Variants in STK31 observed in about 807,000 individuals in gnomAD.
The protein encoded by STK31 is serine/threonine kinase 31, also known as serine/threonine-protein kinase 31.
STK31 carries 89 observed loss-of-function variants against 129.7 expected under a neutral mutation model. That is an observed-to-expected ratio of 0.69 (90% CI 0.58 to 0.82). The LOEUF is 0.82. STK31 is among the 40% of genes least tolerant of loss of function. The probability of loss-of-function intolerance (pLI) is 0.00; values close to 1 mark genes in which losing one functional copy is unlikely to be tolerated. For missense variants in STK31, 1,187 were observed against 1,176.4 expected (o/e 1.01, Z -0.13); for synonymous variants, 448 against 395.3 (o/e 1.13, Z -1.58).
chr7:23,747,398 C>G (rs1276648307), intron 8 of STK31, among the ~76,000 whole-genome samples: 1 of 151,960 alleles, frequency 6.6e-6, no homozygotes, highest in Non-Finnish European at 1.5e-5. Context: ...GAGACGGAGT[C>G]TCACTCTGTT....
chr7:23,733,171 G>A (rs1787528490), intron 6 of STK31, among the ~76,000 whole-genome samples: 1 of 151,924 alleles, frequency 6.6e-6, no homozygotes, highest in South Asian at 2.1e-4. Flanking sequence ...TTAACCTAAA[G>A]TATTATAGGA....
At position 23,786,935 on chromosome 7, in the gene STK31, A is replaced by G. The variant is rs780670965; in HGVS notation, c.2487+11A>G. On this transcript the variant is annotated intron_variant, in intron 20 of 23. Transcript: ENST00000355870. Reference sequence around the variant, plus strand: ...CCTTTAAATTCAGAAGTAAGTAAAAAGCACTATTTATTTCCATGGATGTAT... The same window carrying G: ...CCTTTAAATTCAGAAGTAAGTAAAAGGCACTATTTATTTCCATGGATGTAT... 2.5e-6 allele frequency: 4 copies of G among 1,609,876 alleles called. No individual in the cohort carries two copies. Among genetic ancestry groups the G allele is most frequent in the Non-Finnish European group, 3.4e-6 (4 of 1,176,688 alleles).
intron 23 of STK31, among the ~76,000 whole-genome samples, chr7:23,823,947 A>C (rs896645737): frequency 3.3e-5 from 5 of 151,986 alleles, no homozygotes; most frequent in Non-Finnish European, 4.4e-5. Flanking sequence ...GTTCTGTTCC[A>C]TTGGTCTATG....
At chr7:23,712,424 G>A in intron 3 of STK31, 138 bp downstream of exon 3, 1 of 830,850 alleles carries the variant, frequency 1.2e-6, no homozygotes, top group South Asian at 1.7e-5. Context: ...TTATCACCAG[G>A]CATTATTAGG....
intron 22 of STK31, chr7:23,811,301 T>C: frequency 2.4e-6 from 1 of 416,268 alleles, no homozygotes; most frequent in Non-Finnish European, 4.7e-6. Context: ...CTTGATTTGT[T>C]CTGCAGCTTC....
At chr7:23,800,222 C>T (rs1245038333) in intron 22 of STK31, among the ~76,000 whole-genome samples, 3 of 152,264 alleles carry the variant, frequency 2.0e-5, no homozygotes, top group South Asian at 4.2e-4. Context: ...ACCCAGCAAT[C>T]GCATTACTGG....
chr7:23,829,918 A>T (rs1215857770), intron 23 of STK31, among the ~76,000 whole-genome samples: 1 of 152,056 alleles, frequency 6.6e-6, no homozygotes, highest in Non-Finnish European at 1.5e-5. Context: ...GTTCATGTAT[A>T]GTTATTCATA....
intron 20 of STK31, 39 bp downstream of exon 20, chr7:23,786,963 A>G: frequency 6.4e-7 from 1 of 1,572,444 alleles, no homozygotes; most frequent in Non-Finnish European, 8.7e-7. Flanking sequence ...GGATGTATTA[A>G]ATGAGAAAAT....
At chr7:23,715,008 G>A (rs1387749495) in intron 3 of STK31, among the ~76,000 whole-genome samples, 3 of 152,130 alleles carry the variant, frequency 2.0e-5, no homozygotes, top group East Asian at 3.8e-4. Flanking sequence ...GTAGAAGAAC[G>A]TTTAAAACAG....
chr7:23,802,177 A>T (rs1338864228), intron 22 of STK31, among the ~76,000 whole-genome samples: 1 of 152,234 alleles, frequency 6.6e-6, no homozygotes, highest in Middle Eastern at 3.4e-3. Flanking sequence ...GAGTTTACAA[A>T]ATGAGGGGTT....
intron 10 of STK31, among the ~76,000 whole-genome samples, chr7:23,756,012 G>A (rs1381916812): frequency 3.3e-5 from 5 of 152,130 alleles, no homozygotes; most frequent in African/African-American, 7.2e-5. Flanking sequence ...ATTTAAAATA[G>A]TTTTTTCTAA....
chr7:23,775,915 CA>C (rs1329127207), intron 15 of STK31, among the ~76,000 whole-genome samples: 1 of 152,092 alleles, frequency 6.6e-6, no homozygotes, highest in African/African-American at 2.4e-5. Context: ...TGACAGTTGT[CA>C]AAGGGATGCT....
chr7:23,756,108 T>C (rs182655975), intron 10 of STK31, among the ~76,000 whole-genome samples: 89 of 152,364 alleles, frequency 5.8e-4, no homozygotes, highest in Admixed American at 2.9e-3. Context: ...TTTCATGATA[T>C]TGAGTCTTCC....
intron 23 of STK31, among the ~76,000 whole-genome samples, chr7:23,826,492 C>T (rs537702715): frequency 6.6e-6 from 1 of 152,116 alleles, no homozygotes; most frequent in Non-Finnish European, 1.5e-5. Context: ...CTATGTGTGT[C>T]TCTGCACGTG....
rs563453654 is a variant in STK31 at position 23,826,308 on chromosome 7, A to T, written c.2830-5828A>T. ...TGTATTGGGTGCATATATATTTAGG[A>T]TAGTTAGTTCTTCTTGTTGAATTGA... is the stretch of plus-strand genomic sequence containing the variant. On this transcript the variant is annotated intron_variant, in intron 23 of 23. Coordinates refer to ENST00000355870, the MANE Select transcript of STK31 (RefSeq NM_031414.5). 1.1e-4 allele frequency among the ~76,000 whole-genome samples: 16 copies of T among 152,192 alleles called. No homozygotes were observed. In the East Asian group the frequency reaches 3.1e-3, roughly 29 times the overall value.
intron 22 of STK31, among the ~76,000 whole-genome samples, chr7:23,804,463 T>G (rs1037752726): frequency 2.6e-5 from 4 of 152,348 alleles, no homozygotes; most frequent in Admixed American, 2.6e-4. Context: ...TGTTTAAATT[T>G]TAGCCACAGT....
At chr7:23,744,171 C>T (rs1201647686) in intron 8 of STK31, among the ~76,000 whole-genome samples, 2 of 151,908 alleles carry the variant, frequency 1.3e-5, no homozygotes, top group Admixed American at 6.6e-5. Context: ...CCTCCTGCCT[C>T]AGCCTCCCAA....
In STK31 at chr7:23,790,899, G is replaced by A. The variant is rs1791575501; in HGVS notation, c.2713G>A (p.Ala905Thr). ...ACCTGAGTTGAAAATGGGAAAACCT[G>A]CTTCTCCAGGTTCAGACTTATATGC... ...MSPELKMGKP[A>T]SPGSDLYAYG... The change falls in exon 22 of 24, where the codon GCT becomes ACT. Residue 905 changes from alanine to threonine, a missense_variant. Ala to Thr is a moderately conservative substitution (Grantham distance 58). This residue lies in a region of STK31 where 975 missense variants were observed against 934.9 expected (regional missense o/e 1.04). Coordinates refer to ENST00000355870, the MANE Select transcript of STK31 (RefSeq NM_031414.5). 6.2e-7 allele frequency: 1 copy of A among 1,607,974 alleles called. No homozygotes were observed.
Position 23,785,922 on chromosome 7 carries a change from A to G in STK31, c.2274+319A>G, listed in dbSNP as rs184755300. On this transcript the variant is annotated intron_variant, in intron 18 of 23. Coordinates refer to ENST00000355870, the MANE Select transcript of STK31 (RefSeq NM_031414.5). The stretch of plus-strand genomic sequence containing the variant: ...GATGAGTTAATGGGTGCAGCAAACC[A>G]ACATGGCACATGTATACATATGTAA... Among the ~76,000 whole-genome samples, 1,109 of 152,300 alleles carry G rather than the reference A, an allele frequency of 7.3e-3. 14 individuals are homozygous for G. The highest frequency in any genetic ancestry group is 0.026 in the African/African-American group (1,073 of 41,566).
Sources: allele counts gnomAD v4.1 joint callset (sites outside exome capture counted in the v4.1 genomes callset), GRCh38; gene constraint gnomAD v4.1.1; regional missense constraint gnomAD v4.1.1; transcripts MANE v1.5; gene names NCBI Gene and HGNC (gene_info 2026-07-23, HGNC 2026-07-21).